The following LHFPL3 variants were observed in gnomAD, a reference collection of about 807,000 sequenced individuals.
The protein encoded by LHFPL3 is LHFPL tetraspan subfamily member 3 protein.
In LHFPL3, 5 loss-of-function variants were observed where a neutral mutation model predicts 19.3. The observed-to-expected ratio is 0.26, with a 90% CI of 0.14 to 0.54. The LOEUF (loss-of-function observed/expected upper bound fraction) is 0.54, where lower values mean the gene tolerates loss of function less well. Among genes scored for constraint, LHFPL3 ranks in the 20% least tolerant of loss-of-function variants. LHFPL3 has a pLI of 0.94. For missense variants in LHFPL3, 249 were observed against 307.4 expected (o/e 0.81, Z 1.42); for synonymous variants, 133 against 126.2 (o/e 1.05, Z -0.36).
At chr7:104,515,735 G>A (rs762614930) in intron 1 of LHFPL3, among the ~76,000 whole-genome samples, 3 of 152,140 alleles carry the variant, frequency 2.0e-5, no homozygotes, top group Non-Finnish European at 4.4e-5. Flanking sequence ...CCCCTTTGCA[G>A]CCTTTGAGAT....
intron 1 of LHFPL3, among the ~76,000 whole-genome samples, chr7:104,651,027 G>C (rs1245748533): frequency 6.6e-6 from 1 of 152,114 alleles, no homozygotes; most frequent in African/African-American, 2.4e-5. Flanking sequence ...GGGTCACCTC[G>C]GAGTACAGCA....
intron 1 of LHFPL3, among the ~76,000 whole-genome samples, chr7:104,374,680 C>T (rs1790675948): frequency 6.6e-6 from 1 of 151,998 alleles, no homozygotes; most frequent in Non-Finnish European, 1.5e-5. Context: ...TGGAACCCTG[C>T]CTTGATCTAA....
chr7:104,731,837 T>C (rs879542844), intron 1 of LHFPL3, among the ~76,000 whole-genome samples: 14 of 152,074 alleles, frequency 9.2e-5, no homozygotes, highest in Non-Finnish European at 2.1e-4. Context: ...TTTTGCCCAT[T>C]CAGTATGATA....
intron 1 of LHFPL3, among the ~76,000 whole-genome samples, chr7:104,634,570 G>C (rs1353706202): frequency 4.0e-5 from 6 of 151,842 alleles, no homozygotes; most frequent in Admixed American, 3.9e-4. Context: ...AAAATGGGGG[G>C]ATTAAGTCAG....
intron 1 of LHFPL3, among the ~76,000 whole-genome samples, chr7:104,581,776 A>T (rs1790465634): frequency 1.3e-5 from 2 of 151,974 alleles, no homozygotes; most frequent in African/African-American, 2.4e-5. Flanking sequence ...CATGTCTGTC[A>T]AAACAGTAAA....
chr7:104,771,807 T>C (rs1794556112), intron 2 of LHFPL3, among the ~76,000 whole-genome samples: 1 of 146,708 alleles, frequency 6.8e-6, no homozygotes, highest in Non-Finnish European at 1.5e-5. Flanking sequence ...TAATTTTTCT[T>C]TTGCCTCTCT....
intron 1 of LHFPL3, among the ~76,000 whole-genome samples, chr7:104,509,216 A>G (rs1793762592): frequency 1.3e-5 from 2 of 151,926 alleles, no homozygotes; most frequent in South Asian, 2.1e-4. Flanking sequence ...TAAACCTAGT[A>G]TCATCCTGAT....
At chr7:104,765,558 G>T (rs917012693) in intron 2 of LHFPL3, among the ~76,000 whole-genome samples, 2 of 152,124 alleles carry the variant, frequency 1.3e-5, no homozygotes, top group African/African-American at 4.8e-5. Flanking sequence ...CCTACCTTTT[G>T]CAAAGAAAGC....
intron 1 of LHFPL3, among the ~76,000 whole-genome samples, chr7:104,702,443 A>T (rs1206579809): frequency 2.6e-5 from 4 of 152,194 alleles, no homozygotes; most frequent in Admixed American, 6.5e-5. Flanking sequence ...ACGATTCAGA[A>T]TAAGGCAAAA....
At chr7:104,419,134 C>A (rs60104553) in intron 1 of LHFPL3, among the ~76,000 whole-genome samples, 3 of 151,970 alleles carry the variant, frequency 2.0e-5, no homozygotes, top group African/African-American at 7.3e-5. Flanking sequence ...TAGTTTGGAA[C>A]GTAAGTTGGA....
At chr7:104,464,128 A>G (rs1197665625) in intron 1 of LHFPL3, among the ~76,000 whole-genome samples, 1 of 152,234 alleles carries the variant, frequency 6.6e-6, no homozygotes, top group Non-Finnish European at 1.5e-5. Context: ...TACATGCCCC[A>G]TGCAAGTCTG....
At chr7:104,644,943 G>A (rs1462340486) in intron 1 of LHFPL3, among the ~76,000 whole-genome samples, 1 of 152,078 alleles carries the variant, frequency 6.6e-6, no homozygotes, top group Non-Finnish European at 1.5e-5. Flanking sequence ...ATTAACCCAG[G>A]TCTCTTCTCT....
At chr7:104,818,582 T>C (rs1174567641) in intron 2 of LHFPL3, among the ~76,000 whole-genome samples, 2 of 152,130 alleles carry the variant, frequency 1.3e-5, no homozygotes, top group Non-Finnish European at 1.5e-5. Context: ...TCTTTTGAAA[T>C]TGACCCTGGG....
At chr7:104,692,283 T>A (rs1473940720) in intron 1 of LHFPL3, among the ~76,000 whole-genome samples, 2 of 152,202 alleles carry the variant, frequency 1.3e-5, no homozygotes, top group Non-Finnish European at 2.9e-5. Context: ...AAAAAACCCA[T>A]TTTTTGAGAA....
intron 1 of LHFPL3, among the ~76,000 whole-genome samples, chr7:104,528,654 A>G (rs1458176679): frequency 6.6e-6 from 1 of 152,196 alleles, no homozygotes; most frequent in African/African-American, 2.4e-5. Context: ...ATGTTTTTAA[A>G]ATGTTCCAAT....
chr7:104,591,404 A>G (rs191621248), intron 1 of LHFPL3, among the ~76,000 whole-genome samples: 1 of 152,258 alleles, frequency 6.6e-6, no homozygotes, highest in African/African-American at 2.4e-5. Flanking sequence ...GAAATTCTGG[A>G]TTGAAAATTC....
chr7:104,716,356 C>A (rs1316595121), intron 1 of LHFPL3, among the ~76,000 whole-genome samples: 2 of 151,762 alleles, frequency 1.3e-5, no homozygotes, highest in Non-Finnish European at 2.9e-5. Flanking sequence ...AAAAAAAAGC[C>A]ATCCAAATCA....
chr7:104,361,439 T>G (rs1790389922), intron 1 of LHFPL3, among the ~76,000 whole-genome samples: 1 of 152,220 alleles, frequency 6.6e-6, no homozygotes, highest in African/African-American at 2.4e-5. Context: ...CTCTCATGAC[T>G]GATTTTGGTA....
At chr7:104,566,689 G>T (rs932724731) in intron 1 of LHFPL3, among the ~76,000 whole-genome samples, 1 of 152,126 alleles carries the variant, frequency 6.6e-6, no homozygotes, top group Admixed American at 6.5e-5. Flanking sequence ...AACTGGACCA[G>T]TTTTGCACCC....
Sources: gnomAD v4.1 joint callset for allele counts (sites outside exome capture counted in the v4.1 genomes callset) on GRCh38, gnomAD v4.1.1 for gene constraint, MANE v1.5 for transcripts, NCBI Gene and HGNC (gene_info 2026-07-23, HGNC 2026-07-21) for gene names.